Variants in DCTN4 observed in about 807,000 individuals in gnomAD.
DCTN4 encodes the protein dynactin 4 (p62).
A neutral mutation model predicts 62.7 loss-of-function variants in DCTN4; 23 were observed. That is an observed-to-expected ratio of 0.37 (90% CI 0.26 to 0.52). The LOEUF (loss-of-function observed/expected upper bound fraction) is 0.52. DCTN4 is among the 20% of genes least tolerant of loss of function. DCTN4 has a pLI of 0.92. For synonymous variants in DCTN4, 199 were observed against 202.1 expected, an observed-to-expected ratio of 0.98 and a Z score of 0.13; for missense variants, 514 against 580.4, an observed-to-expected ratio of 0.89 and a Z score of 1.18.
At chr5:150,753,424 C>G in intron 3 of DCTN4, 55 bp downstream of exon 3, 1 of 1,497,158 alleles carries the variant, frequency 6.7e-7, no homozygotes, top group East Asian at 2.3e-5. Context: ...AATCTATGGG[C>G]AATTATAGCA....
Position 150,711,599 on chromosome 5 carries a change from G to A in DCTN4, c.1170-237C>T, listed in dbSNP as rs80192522. Among the ~76,000 whole-genome samples the A allele has an allele frequency of 3.2e-3, 480 of 152,124 alleles. 16 individuals carry two copies. The East Asian group carries it at 0.082, about 26-fold the overall frequency. On this transcript the variant is annotated intron_variant, in intron 12 of 12. Coordinates refer to ENST00000447998, the MANE Select transcript of DCTN4 (RefSeq NM_016221.4). Reference sequence around the variant, plus strand: ...TGGGTCACTGCAACCTCTGTTTCACGGGCTCAAGTAACTCTCCCATCTCAG... The same window carrying A: ...TGGGTCACTGCAACCTCTGTTTCACAGGCTCAAGTAACTCTCCCATCTCAG...
intron 5 of DCTN4, 113 bp from the exon 6 acceptor site, chr5:150,731,602 A>G: frequency 2.5e-6 from 2 of 814,708 alleles, no homozygotes; most frequent in South Asian, 3.4e-5. Flanking sequence ...TAAGCAAAAA[A>G]AAAGCTAATC....
At chr5:150,731,293 C>A in intron 6 of DCTN4, 123 bp downstream of exon 6, 1 of 1,032,138 alleles carries the variant, frequency 9.7e-7, no homozygotes. Context: ...TAGGTCTTTT[C>A]TAAGTATGAG....
At chr5:150,744,186 A>G (rs1297025776) in intron 3 of DCTN4, among the ~76,000 whole-genome samples, 2 of 152,218 alleles carry the variant, frequency 1.3e-5, no homozygotes, top group Non-Finnish European at 2.9e-5. Context: ...AAGAAAGGGT[A>G]TCAGTGACGG....
At chr5:150,714,748 A>G (rs574475225) in intron 12 of DCTN4, among the ~76,000 whole-genome samples, 2 of 151,970 alleles carry the variant, frequency 1.3e-5, no homozygotes, top group African/African-American at 4.8e-5. Context: ...TAATCATGCC[A>G]CCCCTCCTTT....
chr5:150,712,982 CTGA>C (rs1456000129), intron 12 of DCTN4, among the ~76,000 whole-genome samples: 1 of 152,138 alleles, frequency 6.6e-6, no homozygotes, highest in African/African-American at 2.4e-5. Flanking sequence ...AGGCTGAAAT[CTGA>C]TATCTCAGAC....
chr5:150,749,105 A>G (rs1285578945), intron 3 of DCTN4, among the ~76,000 whole-genome samples: 1 of 152,210 alleles, frequency 6.6e-6, no homozygotes, highest in African/African-American at 2.4e-5. Context: ...AAATTGGTAA[A>G]TTAGACTTCA....
chr5:150,730,708 C>A lies in DCTN4; in HGVS notation c.757G>T (p.Asp253Tyr). 1 of 1,614,036 alleles carries A rather than the reference C, an allele frequency of 6.2e-7. No individual in the cohort carries two copies. Among genetic ancestry groups the A allele is most frequent in the South Asian group, 1.1e-5 (1 of 91,012 alleles). Residue 253 changes from aspartate (D) to tyrosine (Y), a missense_variant, in exon 8 of 13, where the codon GAC (aspartate) becomes TAC (tyrosine). Transcript: ENST00000447998. ...TTLQQRLLQP[D>Y]FQPVCASQLY... ...TGTGAAGCACAGACTGGCTGGAAGT[C>A]AGGCTGTAACAGACGCTGCTGAAGG... is the stretch of plus-strand genomic sequence containing the variant.
chr5:150,718,358 G>C lies in DCTN4; in HGVS notation c.989C>G (p.Thr330Arg), dbSNP rs779468194. 6.2e-7 allele frequency: 1 copy of C among 1,614,010 alleles called. No homozygotes were observed. Among genetic ancestry groups the C allele is most frequent in the Non-Finnish European group, 8.5e-7 (1 of 1,179,922 alleles). ...ATGGGTGAGGTTCTCAACTGGATTT[G>C]TAAGAGTCAGGAGGACCTGGCTCTC... ...MKESQVLLTL[T>R]NPVENLTHVT... Residue 330 changes from threonine (T) to arginine (R), a missense_variant, in exon 11 of 13, where the codon ACA (threonine) becomes AGA (arginine). Coordinates refer to ENST00000447998, the MANE Select transcript of DCTN4 (RefSeq NM_016221.4).
chr5:150,729,122 T>C (rs1385597296), intron 8 of DCTN4, among the ~76,000 whole-genome samples: 1 of 139,484 alleles, frequency 7.2e-6, no homozygotes, highest in Non-Finnish European at 1.5e-5. Flanking sequence ...CTCAAACTCC[T>C]GGGCTCAAGT....
chr5:150,732,795 T>C (rs1307179847), intron 5 of DCTN4, among the ~76,000 whole-genome samples: 1 of 152,230 alleles, frequency 6.6e-6, no homozygotes, highest in Non-Finnish European at 1.5e-5. Flanking sequence ...AATTTCTTTC[T>C]TCTTACTAGC....
chr5:150,741,535 T>G (rs1223887508), intron 4 of DCTN4, among the ~76,000 whole-genome samples: 1 of 152,104 alleles, frequency 6.6e-6, no homozygotes, highest in Non-Finnish European at 1.5e-5. Context: ...GGATGGAGCG[T>G]GGTGGTATGA....
In DCTN4 at chr5:150,708,874, A is replaced by C. The variant is rs1461760665; in HGVS notation, c.*2275T>G. On this transcript the variant is annotated 3_prime_UTR_variant, in exon 13 of 13. Coordinates refer to ENST00000447998, the MANE Select transcript of DCTN4 (RefSeq NM_016221.4). ...GGACCAAAAAGGGTGTTTCTTCACA[A>C]ATATGCATGACACTTAGCTCATTAT... The C allele has an allele frequency of 3.9e-5, 6 of 152,836 alleles. No homozygotes were observed. Among genetic ancestry groups the C allele is most frequent in the Non-Finnish European group, 5.9e-5 (4 of 68,052 alleles). The allele number at this position is 152,836 out of a possible 1,614,324, so 9.5% of individuals were successfully genotyped here. A position where few individuals can be genotyped will look rare whatever the true frequency, so the allele number is the denominator to read the frequency against.
chr5:150,737,459 AG>A (rs1283168985), intron 4 of DCTN4, among the ~76,000 whole-genome samples: 1 of 152,216 alleles, frequency 6.6e-6, no homozygotes, highest in Non-Finnish European at 1.5e-5. Context: ...CACCTCCAAA[AG>A]GAACTCTTGA....
Position 150,753,593 on chromosome 5 carries a change from A to C in DCTN4, c.271T>G (p.Ser91Ala). 1 of 1,614,156 alleles carries C rather than the reference A, an allele frequency of 6.2e-7. No individual in the cohort carries two copies. The highest frequency in any genetic ancestry group is 8.5e-7 in the Non-Finnish European group (1 of 1,180,016). ...HTLSTRATSI[S>A]TQLPDDPAKT... Reference sequence around the variant, plus strand: ...GCTGGGTCATCTGGAAGCTGTGTGGAGATGCTCGTGGCCCGAGTAGAGAGG... The same window carrying C: ...GCTGGGTCATCTGGAAGCTGTGTGGCGATGCTCGTGGCCCGAGTAGAGAGG... The change falls in exon 3 of 13, where the codon TCC becomes GCC. Residue 91 changes from serine to alanine, a missense_variant. Coordinates refer to ENST00000447998, the MANE Select transcript of DCTN4 (RefSeq NM_016221.4).
chr5:150,749,612 T>TG (rs1428614921), intron 3 of DCTN4, among the ~76,000 whole-genome samples: 1 of 151,908 alleles, frequency 6.6e-6, no homozygotes, highest in Non-Finnish European at 1.5e-5. Context: ...GTCCAGGAGT[T>TG]GGAGACCAGC....
At chr5:150,721,507 A>G (rs1359516789) in intron 9 of DCTN4, among the ~76,000 whole-genome samples, 2 of 152,202 alleles carry the variant, frequency 1.3e-5, no homozygotes, top group Non-Finnish European at 2.9e-5. Flanking sequence ...GATCCCACCA[A>G]CAATGTGTGC....
At chr5:150,756,616 G>A (rs150215663) in intron 1 of DCTN4, 129 bp from the exon 2 acceptor site, 3 of 437,652 alleles carry the variant, frequency 6.9e-6, no homozygotes, top group Non-Finnish European at 1.2e-5. Flanking sequence ...TTCTGCTTAG[G>A]GTTTATTCTT....
chr5:150,738,498 G>T (rs924171586), intron 4 of DCTN4, among the ~76,000 whole-genome samples: 2 of 152,098 alleles, frequency 1.3e-5, no homozygotes, highest in South Asian at 2.1e-4. Context: ...CACATAAACA[G>T]AATTAAAAAC....
Sources: gnomAD v4.1 joint callset for allele counts (sites outside exome capture counted in the v4.1 genomes callset) on GRCh38, gnomAD v4.1.1 for gene constraint, MANE v1.5 for transcripts, NCBI Gene and HGNC (gene_info 2026-07-23, HGNC 2026-07-21) for gene names.